The following STXBP6 variants were observed in gnomAD, a reference collection of about 807,000 sequenced individuals.
STXBP6 encodes syntaxin-binding protein 6.
In STXBP6, 21 loss-of-function variants were observed where a neutral mutation model predicts 26.9. That is an observed-to-expected ratio of 0.78 (90% CI 0.55 to 1.12). STXBP6 has a LOEUF of 1.12. Ranked by LOEUF, STXBP6 falls within the 50% of genes most tolerant of loss-of-function variation. STXBP6 has a pLI of 0.00. For synonymous variants in STXBP6, 97 were observed against 92.6 expected, an observed-to-expected ratio of 1.05 and a Z score of -0.27; for missense variants, 232 against 257.9, an observed-to-expected ratio of 0.90 and a Z score of 0.69.
Position 24,856,065 on chromosome 14 carries a change from A to G in STXBP6, c.322T>C (p.Phe108Leu). 1 of 1,605,980 alleles carries G rather than the reference A, an allele frequency of 6.2e-7. No individual in the cohort carries two copies. The highest frequency in any genetic ancestry group is 8.5e-7 in the Non-Finnish European group (1 of 1,176,908). Residue 108 changes from phenylalanine to leucine, a missense_variant, in exon 4 of 6, where the codon TTT becomes CTT. Physicochemically the swap from Phe to Leu is conservative, Grantham distance 22. Transcript: ENST00000323944. ...GCTGTGCTGGCTACCCACTGGTCAA[A>G]AGCATTTTCAAACAACAAATCAAAC... is the stretch of plus-strand genomic sequence containing the variant. ...AEFDLLFENA[F>L]DQWVASTASE... is the part of the protein sequence containing the mutation.
intron 2 of STXBP6, among the ~76,000 whole-genome samples, chr14:24,914,491 A>T (rs1392624465): frequency 6.6e-6 from 1 of 152,146 alleles, no homozygotes; most frequent in Non-Finnish European, 1.5e-5. Flanking sequence ...AACTTGTGAC[A>T]ATAACAAATT....
At chr14:25,032,644 GGGGAGGACAAC>G (rs1432535789) in intron 1 of STXBP6, among the ~76,000 whole-genome samples, 1 of 152,184 alleles carries the variant, frequency 6.6e-6, no homozygotes, top group African/African-American at 2.4e-5. Context: ...CACTAGTGGT[GGGGAGGACAAC>G]AGGAGAACAT....
intron 2 of STXBP6, among the ~76,000 whole-genome samples, chr14:24,862,574 C>T (rs191082723): frequency 1.1e-3 from 167 of 152,262 alleles, no homozygotes; most frequent in Non-Finnish European, 2.1e-3. Flanking sequence ...TTTTGAATCA[C>T]TAGTTCCTTA....
chr14:24,910,828 A>G (rs1595093384), intron 2 of STXBP6, among the ~76,000 whole-genome samples: 1 of 152,070 alleles, frequency 6.6e-6, no homozygotes, highest in Admixed American at 6.6e-5. Flanking sequence ...AAAACAAAAC[A>G]CCTCACAACA....
intron 2 of STXBP6, among the ~76,000 whole-genome samples, chr14:24,950,772 T>G (rs1354868977): frequency 6.6e-6 from 1 of 152,172 alleles, no homozygotes. Flanking sequence ...TTTTAAGTTC[T>G]GGGGTACATG....
chr14:24,970,230 G>C (rs1052647499), intron 2 of STXBP6, among the ~76,000 whole-genome samples: 24 of 148,872 alleles, frequency 1.6e-4, no homozygotes, highest in Admixed American at 1.2e-3. Flanking sequence ...AACAGAACGA[G>C]ACTCCGTCTC....
intron 1 of STXBP6, among the ~76,000 whole-genome samples, chr14:25,047,483 C>T (rs2075744442): frequency 1.3e-5 from 2 of 152,236 alleles, no homozygotes; most frequent in Admixed American, 1.3e-4. Flanking sequence ...ATCTCTCTTA[C>T]TATCTCCCAC....
chr14:25,028,703 G>A (rs190648226), intron 1 of STXBP6, among the ~76,000 whole-genome samples: 31 of 152,172 alleles, frequency 2.0e-4, no homozygotes, highest in Admixed American at 1.9e-3. Context: ...GGCTATAGCT[G>A]CCATAGACAG....
At chr14:24,940,448 T>C (rs2072760982) in intron 2 of STXBP6, among the ~76,000 whole-genome samples, 1 of 152,220 alleles carries the variant, frequency 6.6e-6, no homozygotes, top group Non-Finnish European at 1.5e-5. Flanking sequence ...TGATGTGTGA[T>C]TAAGATGTGT....
At chr14:24,959,386 A>G (rs1197056384) in intron 2 of STXBP6, among the ~76,000 whole-genome samples, 1 of 152,190 alleles carries the variant, frequency 6.6e-6, no homozygotes, top group African/African-American at 2.4e-5. Context: ...AGGTCACCTG[A>G]GTGAGGAGCA....
chr14:25,015,501 T>C (rs2075129244), intron 1 of STXBP6, among the ~76,000 whole-genome samples: 1 of 151,626 alleles, frequency 6.6e-6, no homozygotes, highest in Non-Finnish European at 1.5e-5. Flanking sequence ...GGAAAGTTCA[T>C]CCCACAAAAA....
chr14:24,974,539 G>T (rs763514983), intron 2 of STXBP6, 126 bp downstream of exon 2: 1 of 761,710 alleles, frequency 1.3e-6, no homozygotes. Flanking sequence ...CCAGAAAAAC[G>T]GGGAAAAGGA....
chr14:24,929,425 A>G (rs1397414557), intron 2 of STXBP6, among the ~76,000 whole-genome samples: 3 of 152,240 alleles, frequency 2.0e-5, no homozygotes, highest in Non-Finnish European at 2.9e-5. Context: ...ATGGCAATAT[A>G]TAGTCCAAAC....
chr14:25,024,554 A>T (rs1260709215), intron 1 of STXBP6, among the ~76,000 whole-genome samples: 1 of 152,148 alleles, frequency 6.6e-6, no homozygotes, highest in African/African-American at 2.4e-5. Context: ...CTGGGGCCCC[A>T]AAAGCTTTTC....
chr14:24,860,784 G>A (rs911117007), intron 2 of STXBP6, among the ~76,000 whole-genome samples: 8 of 147,990 alleles, frequency 5.4e-5, no homozygotes, highest in African/African-American at 1.0e-4. Context: ...AAAAAAGAAA[G>A]GAAAGAAGAA....
At chr14:24,848,477 A>G (rs995701171) in intron 4 of STXBP6, among the ~76,000 whole-genome samples, 5 of 152,180 alleles carry the variant, frequency 3.3e-5, no homozygotes, top group African/African-American at 1.2e-4. Context: ...CATGGCATAG[A>G]CAAAACATGT....
chr14:24,822,204 C>G (rs2068154764), intron 4 of STXBP6, among the ~76,000 whole-genome samples: 1 of 152,138 alleles, frequency 6.6e-6, no homozygotes, highest in Non-Finnish European at 1.5e-5. Flanking sequence ...ACTTAGCAAA[C>G]AACCCCAATA....
At chr14:25,015,600 T>C (rs2075131403) in intron 1 of STXBP6, among the ~76,000 whole-genome samples, 1 of 152,150 alleles carries the variant, frequency 6.6e-6, no homozygotes, top group Non-Finnish European at 1.5e-5. Flanking sequence ...CCGGAGCAAG[T>C]TTCAATTATT....
chr14:25,028,046 C>T (rs2075379875), intron 1 of STXBP6, among the ~76,000 whole-genome samples: 1 of 152,308 alleles, frequency 6.6e-6, no homozygotes, highest in Non-Finnish European at 1.5e-5. Context: ...GTTTAAGAAG[C>T]CATCTCTATG....
Sources: gnomAD v4.1 joint callset for allele counts (sites outside exome capture counted in the v4.1 genomes callset) on GRCh38, gnomAD v4.1.1 for gene constraint, MANE v1.5 for transcripts, NCBI Gene and HGNC (gene_info 2026-07-23, HGNC 2026-07-21) for gene names.